The following DSCAM variants were observed in gnomAD, a reference collection of about 807,000 sequenced individuals.
DSCAM encodes the protein cell adhesion molecule DSCAM.
DSCAM carries 47 observed loss-of-function variants against 217.7 expected under a neutral mutation model. The observed-to-expected ratio is 0.22, with a 90% CI of 0.17 to 0.28. The LOEUF (loss-of-function observed/expected upper bound fraction) is 0.28, where lower values mean the gene tolerates loss of function less well. Among genes scored for constraint, DSCAM ranks in the 10% least tolerant of loss-of-function variants. DSCAM has a pLI of 1.00. For synonymous variants in DSCAM, 1,056 were observed against 1,015.3 expected (o/e 1.04, Z -0.76); for missense variants, 2,080 against 2,618.3 (o/e 0.79, Z 4.49).
At chr21:40,083,875 A>G (rs1283259405) in intron 24 of DSCAM, 33 bp downstream of exon 24, 1 of 1,554,376 alleles carries the variant, frequency 6.4e-7, no homozygotes, top group South Asian at 1.2e-5. Flanking sequence ...CACACAACTA[A>G]TCAACTATTG....
At chr21:40,599,963 A>C (rs953619553) in intron 3 of DSCAM, among the ~76,000 whole-genome samples, 3 of 152,316 alleles carry the variant, frequency 2.0e-5, no homozygotes, top group African/African-American at 7.2e-5. Context: ...GGCAGTCATT[A>C]ATAGCCTACC....
chr21:40,581,786 C>T (rs455687), intron 3 of DSCAM, among the ~76,000 whole-genome samples: 2,407 of 152,142 alleles, frequency 0.016, 62 homozygotes, highest in African/African-American at 0.054. Flanking sequence ...TTCATGGCTA[C>T]GAGTTTATTC....
chr21:40,132,406 C>T (rs1601363365), intron 19 of DSCAM, among the ~76,000 whole-genome samples: 1 of 152,168 alleles, frequency 6.6e-6, no homozygotes, highest in East Asian at 1.9e-4. Flanking sequence ...CTTATGGCTG[C>T]CTTCACTCAG....
chr21:40,393,417 T>C (rs753324996), intron 3 of DSCAM, among the ~76,000 whole-genome samples: 10 of 152,166 alleles, frequency 6.6e-5, no homozygotes, highest in Non-Finnish European at 1.5e-4. Flanking sequence ...GAGGAGAAAA[T>C]ACAACGAAAA....
intron 3 of DSCAM, among the ~76,000 whole-genome samples, chr21:40,622,867 G>T (rs1457764844): frequency 2.2e-5 from 2 of 92,880 alleles, no homozygotes; most frequent in East Asian, 5.3e-4. Context: ...GTATGTACAT[G>T]ATACAAAAAA....
At chr21:40,179,124 A>G (rs2146802336) in intron 14 of DSCAM, 30 bp from the exon 15 acceptor site, 1 of 1,524,550 alleles carries the variant, frequency 6.6e-7, no homozygotes, top group Admixed American at 1.8e-5. Flanking sequence ...AAAAAAGAAG[A>G]GATAGAGACG....
At chr21:40,190,111 A>C (rs1450342273) in intron 11 of DSCAM, among the ~76,000 whole-genome samples, 1 of 152,204 alleles carries the variant, frequency 6.6e-6, no homozygotes, top group Non-Finnish European at 1.5e-5. Flanking sequence ...CTTATAGCAG[A>C]GAATCTCGTC....
chr21:40,454,026 T>C (rs1185751601), intron 3 of DSCAM, among the ~76,000 whole-genome samples: 1 of 152,176 alleles, frequency 6.6e-6, no homozygotes, highest in African/African-American at 2.4e-5. Context: ...CCTGCCTAGG[T>C]AGGATAAAGA....
intron 3 of DSCAM, among the ~76,000 whole-genome samples, chr21:40,562,607 A>G (rs2146187841): frequency 6.6e-6 from 1 of 152,282 alleles, no homozygotes; most frequent in South Asian, 2.1e-4. Context: ...TGATTTTTCT[A>G]CTACCTCTGA....
At chr21:40,457,556 A>AC (rs2075773965) in intron 3 of DSCAM, among the ~76,000 whole-genome samples, 1 of 151,016 alleles carries the variant, frequency 6.6e-6, no homozygotes, top group Non-Finnish European at 1.5e-5. Flanking sequence ...AAACAAACAA[A>AC]AAAACCTGTA....
At chr21:40,501,836 C>T (rs1158919047) in intron 3 of DSCAM, among the ~76,000 whole-genome samples, 1 of 152,214 alleles carries the variant, frequency 6.6e-6, no homozygotes, top group Non-Finnish European at 1.5e-5. Context: ...AGGTGATCCA[C>T]CCCCACCTTG....
chr21:40,400,133 C>T (rs1288768472), intron 3 of DSCAM, among the ~76,000 whole-genome samples: 1 of 152,054 alleles, frequency 6.6e-6, no homozygotes, highest in Non-Finnish European at 1.5e-5. Flanking sequence ...TCTCAGGGCC[C>T]CTTTACACTT....
chr21:40,757,190 AT>A (rs1049330761), intron 1 of DSCAM, among the ~76,000 whole-genome samples: 4 of 151,474 alleles, frequency 2.6e-5, no homozygotes, highest in Admixed American at 2.0e-4. Context: ...AGCCCGGCTA[AT>A]TTTTTTTGTA....
Position 40,085,582 on chromosome 21 carries a change from AG to A in DSCAM, c.4132+19del. ...ATACATGTAAAAGATATCATTAAAA[AG>A]AGTCCTCAAATGTTGTACCTTGTAC... is the stretch of plus-strand genomic sequence containing the variant. On this transcript the variant is annotated intron_variant, in intron 23 of 32. Transcript: ENST00000400454. 1.4e-6 allele frequency: 2 copies of A among 1,472,772 alleles called. No individual in the cohort carries two copies. The highest frequency in any genetic ancestry group is 9.1e-7 in the Non-Finnish European group (1 of 1,095,752). 91.2% of individuals were successfully genotyped at this position (1,472,772 alleles called of 1,614,324 possible).
chr21:40,262,598 A>C (rs2073468224), intron 11 of DSCAM, among the ~76,000 whole-genome samples: 1 of 152,162 alleles, frequency 6.6e-6, no homozygotes, highest in Admixed American at 6.5e-5. Flanking sequence ...CAAATCACCT[A>C]ACACAAGCCC....
At chr21:40,644,803 C>A (rs1422110554) in intron 3 of DSCAM, among the ~76,000 whole-genome samples, 1 of 151,952 alleles carries the variant, frequency 6.6e-6, no homozygotes, top group Non-Finnish European at 1.5e-5. Flanking sequence ...TTGTTTAGTT[C>A]TTTGCTCAAT....
chr21:40,013,136 C>G lies in DSCAM; in HGVS notation c.5937G>C (p.Leu1979=). 1 of 1,612,482 alleles carries G rather than the reference C, an allele frequency of 6.2e-7. No individual in the cohort carries two copies. Among genetic ancestry groups the G allele is most frequent in the Non-Finnish European group, 8.5e-7 (1 of 1,179,056 alleles). ...ATLPQREGAE[L]GQAAKMSSSQ... ...AGCTGCTCATTTTAGCTGCCTGTCC[C>G]AGCTCTGCTCCCTCCCGCTGAGGTA... is the stretch of plus-strand genomic sequence containing the variant. Residue 1979 remains leucine (L), a synonymous_variant, in exon 33 of 33, where the codon CTG becomes CTC. Coordinates refer to ENST00000400454, the MANE Select transcript of DSCAM (RefSeq NM_001389.5).
chr21:40,164,053 C>G (rs937289427), intron 16 of DSCAM, among the ~76,000 whole-genome samples: 1 of 152,182 alleles, frequency 6.6e-6, no homozygotes, highest in Non-Finnish European at 1.5e-5. Flanking sequence ...CATGAGGGAT[C>G]AGAACTGAGT....
At chr21:40,119,880 G>A (rs141758553) in intron 20 of DSCAM, among the ~76,000 whole-genome samples, 1,898 of 152,176 alleles carry the variant, frequency 0.012, 20 homozygotes, top group Non-Finnish European at 0.019. Flanking sequence ...GTTAGATGCT[G>A]CTTTCCAGAT....
Sources: gnomAD v4.1 joint callset for allele counts (sites outside exome capture counted in the v4.1 genomes callset) on GRCh38, gnomAD v4.1.1 for gene constraint, MANE v1.5 for transcripts, NCBI Gene and HGNC (gene_info 2026-07-23, HGNC 2026-07-21) for gene names.